Variants in GPM6A observed in about 807,000 individuals in gnomAD.
The protein encoded by GPM6A is neuronal membrane glycoprotein M6-a.
GPM6A carries 7 observed loss-of-function variants against 32.1 expected under a neutral mutation model. The observed-to-expected ratio is 0.22, with a 90% CI of 0.12 to 0.41. GPM6A has a LOEUF of 0.41. Among genes scored for constraint, GPM6A ranks in the 10% least tolerant of loss-of-function variants. GPM6A has a pLI of 1.00. For synonymous variants in GPM6A, 130 were observed against 123.4 expected (o/e 1.05, Z -0.35); for missense variants, 235 against 347.2 (o/e 0.68, Z 2.57).
chr4:175,735,590 T>C (rs1231101149), intron 1 of GPM6A, among the ~76,000 whole-genome samples: 1 of 152,040 alleles, frequency 6.6e-6, no homozygotes, highest in East Asian at 1.9e-4. Context: ...GGCAGAGTCT[T>C]GCTCTGTCAC....
intron 1 of GPM6A, among the ~76,000 whole-genome samples, chr4:175,862,240 C>T (rs1579575719): frequency 6.6e-6 from 1 of 152,176 alleles, no homozygotes; most frequent in Non-Finnish European, 1.5e-5. Context: ...CTGCATATAT[C>T]CATGTAAACA....
intron 6 of GPM6A, among the ~76,000 whole-genome samples, chr4:175,637,238 T>A (rs867695299): frequency 2.6e-5 from 1 of 39,086 alleles, no homozygotes; most frequent in Non-Finnish European, 4.4e-5. Context: ...AAATATATAT[T>A]ATATATTATA....
chr4:175,783,243 CTT>C (rs1174139687), intron 1 of GPM6A, among the ~76,000 whole-genome samples: 3 of 151,830 alleles, frequency 2.0e-5, no homozygotes, highest in Non-Finnish European at 4.4e-5. Flanking sequence ...ACATAAGAAA[CTT>C]AACTCTAATA....
intron 1 of GPM6A, among the ~76,000 whole-genome samples, chr4:175,831,782 T>C (rs1735623672): frequency 7.0e-6 from 1 of 142,602 alleles, no homozygotes; most frequent in African/African-American, 2.5e-5. Context: ...TGCGCTATCT[T>C]AGCTCTTGGC....
intron 1 of GPM6A, among the ~76,000 whole-genome samples, chr4:175,880,862 T>C (rs957827985): frequency 3.3e-5 from 5 of 152,306 alleles, no homozygotes; most frequent in South Asian, 2.1e-4. Context: ...CTTTTCCTAA[T>C]TGAATACCCT....
At chr4:175,699,731 T>C (rs1206597140) in intron 2 of GPM6A, among the ~76,000 whole-genome samples, 3 of 152,068 alleles carry the variant, frequency 2.0e-5, no homozygotes, top group African/African-American at 7.2e-5. Context: ...TTTCTCTAGG[T>C]TTTAAGTATC....
intron 4 of GPM6A, 97 bp downstream of exon 4, chr4:175,651,737 A>G: frequency 1.1e-6 from 1 of 891,416 alleles, no homozygotes. Context: ...AAAGGTACTG[A>G]TAATTCCAAA....
At position 175,651,886 on chromosome 4, in the gene GPM6A, C is replaced by A. The variant is rs761301919; in HGVS notation, c.489G>T (p.Arg163=). The change falls in exon 4 of 7, where the codon CGG becomes CGT. Residue 163 remains arginine, a synonymous_variant. Coordinates refer to ENST00000393658, the MANE Select transcript of GPM6A (RefSeq NM_201591.3). The part of the protein sequence containing the change: ...YMYFNLWTIC[R]NTTLVEGANL... ...TTGCTCCCTCCACTAATGTGGTGTT[C>A]CGGCAGATGGTCCACAGATTGAAGT... 1 of 1,613,468 alleles carries A rather than the reference C, an allele frequency of 6.2e-7. No homozygotes were observed. Among genetic ancestry groups the A allele is most frequent in the South Asian group, 1.1e-5 (1 of 91,036 alleles).
intron 1 of GPM6A, among the ~76,000 whole-genome samples, chr4:175,984,740 G>A (rs945114782): frequency 9.2e-5 from 14 of 152,140 alleles, no homozygotes; most frequent in African/African-American, 2.6e-4. Context: ...ATCTTTATTA[G>A]GTAACTCTTA....
At chr4:175,899,174 C>A (rs1267700159) in intron 1 of GPM6A, among the ~76,000 whole-genome samples, 2 of 152,120 alleles carry the variant, frequency 1.3e-5, no homozygotes, top group African/African-American at 4.8e-5. Flanking sequence ...TACTAAACAA[C>A]TTAAAACTGT....
intron 6 of GPM6A, among the ~76,000 whole-genome samples, chr4:175,637,724 A>G (rs917593859): frequency 0.24 from 3,553 of 14,690 alleles, 150 homozygotes; most frequent in Non-Finnish European, 0.31. Context: ...TTTATATATA[A>G]TATATTATAT....
chr4:175,735,410 G>C (rs188233185), intron 1 of GPM6A, among the ~76,000 whole-genome samples: 205 of 152,242 alleles, frequency 1.3e-3, no homozygotes, highest in African/African-American at 4.7e-3. Flanking sequence ...CTTAGTCTCT[G>C]AGAAGGACAA....
At chr4:175,781,467 C>T (rs531840571) in intron 1 of GPM6A, among the ~76,000 whole-genome samples, 3,070 of 152,266 alleles carry the variant, frequency 0.02, 55 homozygotes, top group Non-Finnish European at 0.031. Flanking sequence ...TGTCAAGCTT[C>T]CTAAAACCCC....
chr4:175,812,375 T>G, upstream of GPM6A: 2 of 1,331,792 alleles, frequency 1.5e-6, no homozygotes. Flanking sequence ...CTTGGGCAAG[T>G]CCTCAGAGCT....
chr4:175,642,271 T>C (rs1741193617), intron 4 of GPM6A, among the ~76,000 whole-genome samples: 1 of 152,172 alleles, frequency 6.6e-6, no homozygotes, highest in Non-Finnish European at 1.5e-5. Flanking sequence ...TGAAAAAGCT[T>C]CTGGTCAAGG....
intron 4 of GPM6A, among the ~76,000 whole-genome samples, chr4:175,643,800 C>T (rs140253987): frequency 6.6e-6 from 1 of 152,280 alleles, no homozygotes; most frequent in South Asian, 2.1e-4. Flanking sequence ...GAAGCGGGCT[C>T]AAGCCTGCAC....
intron 2 of GPM6A, among the ~76,000 whole-genome samples, chr4:175,681,435 G>A (rs1283628545): frequency 6.6e-6 from 1 of 152,016 alleles, no homozygotes; most frequent in Non-Finnish European, 1.5e-5. Flanking sequence ...CATAAGATTT[G>A]TGGTCCTCTC....
At chr4:175,691,524 T>G (rs1306839612) in intron 2 of GPM6A, among the ~76,000 whole-genome samples, 1 of 152,240 alleles carries the variant, frequency 6.6e-6, no homozygotes, top group Non-Finnish European at 1.5e-5. Flanking sequence ...ATGCTTACTA[T>G]ATACCACTTT....
At chr4:175,663,426 A>T (rs1206123507) in intron 3 of GPM6A, among the ~76,000 whole-genome samples, 1 of 152,196 alleles carries the variant, frequency 6.6e-6, no homozygotes, top group Non-Finnish European at 1.5e-5. Flanking sequence ...ACAAGGTTTC[A>T]GTTAGAAGGA....
Sources: allele counts gnomAD v4.1 joint callset (sites outside exome capture counted in the v4.1 genomes callset), GRCh38; gene constraint gnomAD v4.1.1; transcripts MANE v1.5; gene names NCBI Gene and HGNC (gene_info 2026-07-23, HGNC 2026-07-21).